The following UBXN2B variants were observed in gnomAD, a reference collection of about 807,000 sequenced individuals.
UBXN2B encodes the protein UBX domain-containing protein 2B.
UBXN2B carries 19 observed loss-of-function variants against 37.5 expected under a neutral mutation model. The ratio of observed to expected loss-of-function variants is 0.51; its 90% CI spans 0.35 to 0.74. The LOEUF (loss-of-function observed/expected upper bound fraction) is 0.74. Ranked by LOEUF, UBXN2B falls within the 30% of genes least tolerant of loss-of-function variation. UBXN2B has a pLI of 0.01. For missense variants in UBXN2B, 370 were observed against 393.2 expected, an observed-to-expected ratio of 0.94 and a Z score of 0.50; for synonymous variants, 145 against 143.8, an observed-to-expected ratio of 1.01 and a Z score of -0.06.
intron 2 of UBXN2B, among the ~76,000 whole-genome samples, chr8:58,429,389 A>T (rs1394223768): frequency 6.6e-6 from 1 of 152,094 alleles, no homozygotes; most frequent in African/African-American, 2.4e-5. Flanking sequence ...GCTACTCTGG[A>T]CCCTTGAGTG....
chr8:58,426,504 G>A (rs1212367609), intron 2 of UBXN2B: 12 of 721,396 alleles, frequency 1.7e-5, no homozygotes, highest in Middle Eastern at 2.4e-4. Flanking sequence ...CACCGTGACC[G>A]GCCCAGTGTT....
chr8:58,421,412 CAG>C (rs1356488321), intron 2 of UBXN2B, among the ~76,000 whole-genome samples: 1 of 151,876 alleles, frequency 6.6e-6, no homozygotes, highest in Non-Finnish European at 1.5e-5. Flanking sequence ...TACCATGTGC[CAG>C]ATAACTCTTT....
At chr8:58,426,149 G>T in intron 2 of UBXN2B, 1 of 1,001,272 alleles carries the variant, frequency 1.0e-6, no homozygotes, top group South Asian at 1.3e-5. Context: ...CTCAGCCAAA[G>T]TGGAAAATTT....
At chr8:58,425,505 C>A in intron 2 of UBXN2B, 1 of 1,114,840 alleles carries the variant, frequency 9.0e-7, no homozygotes, top group East Asian at 2.4e-5. Context: ...GTAGGACAAC[C>A]CTGGTATGAT....
chr8:58,442,208 T>G (rs1257250581), intron 6 of UBXN2B, among the ~76,000 whole-genome samples: 1 of 151,928 alleles, frequency 6.6e-6, no homozygotes, highest in Non-Finnish European at 1.5e-5. Context: ...GGAGATGGAG[T>G]CTTTAGAATT....
At position 58,451,082 on chromosome 8, in the gene UBXN2B, G is replaced by T. The variant is rs1430698277; in HGVS notation, c.*3531G>T. Reference sequence around the variant, plus strand: ...TGATTTCTTAAAAGAATTGAACATTGTAAATCAAAGGGCATTGTCCTGTTT... The same window carrying T: ...TGATTTCTTAAAAGAATTGAACATTTTAAATCAAAGGGCATTGTCCTGTTT... On this transcript the variant is annotated 3_prime_UTR_variant, in exon 8 of 8. Coordinates refer to ENST00000399598, the MANE Select transcript of UBXN2B (RefSeq NM_001077619.2). 1 of 152,574 alleles carries T rather than the reference G, an allele frequency of 6.6e-6. No homozygotes were observed. The highest frequency in any genetic ancestry group is 1.5e-5 in the Non-Finnish European group (1 of 68,024). 9.5% of individuals were successfully genotyped at this position (152,574 alleles called of 1,614,324 possible).
intron 2 of UBXN2B, among the ~76,000 whole-genome samples, chr8:58,420,652 CAAAT>C (rs1416769891): frequency 3.3e-5 from 5 of 152,086 alleles, no homozygotes; most frequent in East Asian, 3.8e-4. Flanking sequence ...AATTAGGTCA[CAAAT>C]AAACAGACAA....
At chr8:58,424,178 T>G (rs1488421219) in intron 2 of UBXN2B, among the ~76,000 whole-genome samples, 2 of 151,536 alleles carry the variant, frequency 1.3e-5, no homozygotes, top group Non-Finnish European at 2.9e-5. Context: ...TCATTTCTTC[T>G]TATCCCCGAC....
At chr8:58,425,094 G>T in intron 2 of UBXN2B, 2 of 790,794 alleles carry the variant, frequency 2.5e-6, no homozygotes, top group Non-Finnish European at 4.6e-6. Context: ...TGGGCACTCC[G>T]TGGTCCGGCC....
chr8:58,435,271 A>C (rs1048479197), intron 5 of UBXN2B, among the ~76,000 whole-genome samples: 1 of 152,232 alleles, frequency 6.6e-6, no homozygotes, highest in Non-Finnish European at 1.5e-5. Context: ...GAACATTTCC[A>C]AATGTTGAAA....
chr8:58,418,164 T>C (rs1807832697), intron 2 of UBXN2B, among the ~76,000 whole-genome samples: 1 of 149,866 alleles, frequency 6.7e-6, no homozygotes, highest in Non-Finnish European at 1.5e-5. Flanking sequence ...TCGCCTGATC[T>C]TGGGAGGCAG....
intron 5 of UBXN2B, among the ~76,000 whole-genome samples, chr8:58,437,368 C>T (rs930086076): frequency 7.8e-6 from 1 of 128,848 alleles, no homozygotes; most frequent in Non-Finnish European, 1.6e-5. Flanking sequence ...TGCTCTGTCA[C>T]CCAGGCTGGA....
At chr8:58,444,782 A>G (rs1221669459) in intron 6 of UBXN2B, among the ~76,000 whole-genome samples, 1 of 152,196 alleles carries the variant, frequency 6.6e-6, no homozygotes, top group South Asian at 2.1e-4. Flanking sequence ...GTATATTTTT[A>G]TGTATCCTCA....
intron 3 of UBXN2B, among the ~76,000 whole-genome samples, chr8:58,432,858 C>G (rs536390370): frequency 1.3e-5 from 2 of 152,172 alleles, no homozygotes; most frequent in South Asian, 4.2e-4. Context: ...TATTATGGTT[C>G]AATAAATTTG....
At chr8:58,440,512 C>T (rs1272083061) in intron 6 of UBXN2B, among the ~76,000 whole-genome samples, 4 of 152,182 alleles carry the variant, frequency 2.6e-5, no homozygotes, top group Admixed American at 2.0e-4. Context: ...TAAAAACCAA[C>T]GCACATGGCA....
intron 5 of UBXN2B, among the ~76,000 whole-genome samples, chr8:58,435,412 TAAGAAGTATGCTGAA>T (rs903313055): frequency 2.0e-5 from 3 of 152,084 alleles, no homozygotes; most frequent in Non-Finnish European, 4.4e-5. Context: ...ACAAATGCCC[TAAGAAGTATGCTGAA>T]GGCATTGGGA....
rs2129604752 is a variant in UBXN2B at position 58,447,638 on chromosome 8, A to T, written c.*87A>T. 1 of 1,189,762 alleles carries T rather than the reference A, an allele frequency of 8.4e-7. No homozygotes were observed. Among genetic ancestry groups the T allele is most frequent in the Admixed American group, 3.1e-5 (1 of 32,004 alleles). The allele number at this position is 1,189,762 out of a possible 1,614,324, so 73.7% of individuals were successfully genotyped here. A position where few individuals can be genotyped will look rare whatever the true frequency, so the allele number is the denominator to read the frequency against. ...ATACTTCAGCATTAAAAACAGCCAA[A>T]TTATTTTTATTATTTTTACAGATAA... On this transcript the variant is annotated 3_prime_UTR_variant, in exon 8 of 8. Coordinates refer to ENST00000399598, the MANE Select transcript of UBXN2B (RefSeq NM_001077619.2).
intron 6 of UBXN2B, among the ~76,000 whole-genome samples, chr8:58,442,942 C>G (rs1808585251): frequency 6.6e-6 from 1 of 152,224 alleles, no homozygotes; most frequent in Non-Finnish European, 1.5e-5. Context: ...GCCCTAGACC[C>G]TGAGGGCTGT....
intron 2 of UBXN2B, chr8:58,424,659 C>T: frequency 7.9e-7 from 1 of 1,261,926 alleles, no homozygotes; most frequent in Non-Finnish European, 1.2e-6. Flanking sequence ...GCTCTCATTT[C>T]TGCACAGCGT....
Sources: gnomAD v4.1 joint callset for allele counts (sites outside exome capture counted in the v4.1 genomes callset) on GRCh38, gnomAD v4.1.1 for gene constraint, MANE v1.5 for transcripts, NCBI Gene and HGNC (gene_info 2026-07-23, HGNC 2026-07-21) for gene names.